PLPP3: variants seen among roughly 807,000 people sequenced by gnomAD.
PLPP3 encodes PAP2 beta.
PLPP3 carries 6 observed loss-of-function variants against 29.6 expected under a neutral mutation model. The observed-to-expected ratio is 0.20, with a 90% CI of 0.11 to 0.40. The LOEUF is 0.40. Among genes scored for constraint, PLPP3 ranks in the 10% least tolerant of loss-of-function variants. The pLI is 1.00. For missense variants in PLPP3, 308 were observed against 407.7 expected (o/e 0.76, Z 2.11); for synonymous variants, 152 against 159.7 (o/e 0.95, Z 0.36).
At chr1:56,507,518 A>G (rs1287238669) in intron 5 of PLPP3, among the ~76,000 whole-genome samples, 1 of 152,216 alleles carries the variant, frequency 6.6e-6, no homozygotes, top group Non-Finnish European at 1.5e-5. Context: ...AGAGACAGAC[A>G]TATGAGCAGG....
rs535153667 is a variant in PLPP3 at position 56,564,106 on chromosome 1, G to C, written c.139+14772C>G. Reference sequence around the variant, plus strand: ...TTGCAATCTTAATTCTTGGAGGAAAGAGCATAGGTGTTGGTTGGGTCATAG... The same window carrying C: ...TTGCAATCTTAATTCTTGGAGGAAACAGCATAGGTGTTGGTTGGGTCATAG... On this transcript the variant is annotated intron_variant, in intron 1 of 5. Coordinates refer to ENST00000371250, the MANE Select transcript of PLPP3 (RefSeq NM_003713.5). Among the ~76,000 whole-genome samples, 7 of 152,322 alleles carry C rather than the reference G, an allele frequency of 4.6e-5. No homozygotes were observed. The East Asian group carries it at 1.2e-3, about 25-fold the overall frequency.
chr1:56,550,847 G>GA (rs1334404503), intron 1 of PLPP3, among the ~76,000 whole-genome samples: 3 of 152,178 alleles, frequency 2.0e-5, no homozygotes, highest in Admixed American at 6.5e-5. Context: ...GGTTTTCATG[G>GA]AAATATCAGC....
intron 1 of PLPP3, among the ~76,000 whole-genome samples, chr1:56,559,300 A>G (rs936485391): frequency 6.6e-6 from 1 of 152,234 alleles, no homozygotes; most frequent in Non-Finnish European, 1.5e-5. Flanking sequence ...CAATGAGAAT[A>G]CCTGTGCATT....
At chr1:56,520,769 G>C (rs948830216) in intron 4 of PLPP3, among the ~76,000 whole-genome samples, 2 of 151,112 alleles carry the variant, frequency 1.3e-5, no homozygotes, top group African/African-American at 4.9e-5. Flanking sequence ...AAATTTGCTG[G>C]GTGTGGTGCC....
Position 56,530,021 on chromosome 1 carries a change from A to G in PLPP3, c.298-5467T>C, listed in dbSNP as rs186907611. ...TCCCAAAAGTCAGGGACTCAGAGTC[A>G]TGGGCCTCCTGAATGCCCAACTCTG... On this transcript the variant is annotated intron_variant, in intron 2 of 5. Coordinates refer to ENST00000371250, the MANE Select transcript of PLPP3 (RefSeq NM_003713.5). 1.9e-3 allele frequency among the ~76,000 whole-genome samples: 283 copies of G among 152,226 alleles called. 3 individuals are homozygous for G. Among genetic ancestry groups the G allele is most frequent in the Non-Finnish European group, 4.0e-4 (27 of 68,014 alleles).
At position 56,496,013 on chromosome 1, in the gene PLPP3, G is replaced by A. The variant is rs1289811280; in HGVS notation, c.*538C>T. 1 of 153,344 alleles carries A rather than the reference G, an allele frequency of 6.5e-6. No individual in the cohort carries two copies. The highest frequency in any genetic ancestry group is 1.5e-5 in the Non-Finnish European group (1 of 68,590). The allele number at this position is 153,344 out of a possible 1,614,324, so 9.5% of individuals were successfully genotyped here. The stretch of plus-strand genomic sequence containing the variant: ...CTTAGAACTGGGAATCTAGATTCGG[G>A]ATCTGATCACTTGACTGAGCAAACT... On this transcript the variant is annotated 3_prime_UTR_variant, in exon 6 of 6. Coordinates refer to ENST00000371250, the MANE Select transcript of PLPP3 (RefSeq NM_003713.5).
intron 2 of PLPP3, among the ~76,000 whole-genome samples, chr1:56,525,278 C>T (rs553011677): frequency 7.9e-5 from 12 of 152,276 alleles, no homozygotes; most frequent in African/African-American, 2.2e-4. Context: ...AATAGAATAC[C>T]AGTCTAACAA....
intron 4 of PLPP3, 121 bp downstream of exon 4, chr1:56,523,702 T>G: frequency 9.0e-7 from 1 of 1,116,824 alleles, no homozygotes; most frequent in East Asian, 2.4e-5. Flanking sequence ...CTTTTCTAGC[T>G]AACCTCTTTT....
chr1:56,568,533 A>C (rs1168141280), intron 1 of PLPP3, among the ~76,000 whole-genome samples: 1 of 152,242 alleles, frequency 6.6e-6, no homozygotes, highest in Admixed American at 6.5e-5. Flanking sequence ...TAAATCTCCT[A>C]TAAATCCTGC....
intron 1 of PLPP3, among the ~76,000 whole-genome samples, chr1:56,555,706 G>A (rs944918772): frequency 6.6e-6 from 1 of 152,114 alleles, no homozygotes; most frequent in African/African-American, 2.4e-5. Context: ...ACAAGGTCTT[G>A]CTATGTTGCC....
intron 5 of PLPP3, among the ~76,000 whole-genome samples, chr1:56,500,938 A>T (rs2100219459): frequency 7.4e-6 from 1 of 134,478 alleles, no homozygotes; most frequent in East Asian, 2.3e-4. Flanking sequence ...TGGGAGGCGG[A>T]GGTTTCAGTG....
At chr1:56,514,071 TA>T (rs1000316405) in intron 4 of PLPP3, among the ~76,000 whole-genome samples, 2 of 149,958 alleles carry the variant, frequency 1.3e-5, no homozygotes, top group South Asian at 2.1e-4. Flanking sequence ...AAATTAAATT[TA>T]AAAAAAAAGA....
intron 4 of PLPP3, among the ~76,000 whole-genome samples, chr1:56,523,169 G>A (rs951351894): frequency 3.9e-5 from 6 of 152,126 alleles, no homozygotes; most frequent in African/African-American, 7.2e-5. Context: ...GAAGTCATGC[G>A]TCCTCATGGA....
At chr1:56,557,514 T>C (rs1487033041) in intron 1 of PLPP3, among the ~76,000 whole-genome samples, 2 of 152,202 alleles carry the variant, frequency 1.3e-5, no homozygotes, top group Non-Finnish European at 2.9e-5. Context: ...TTCATAGCTA[T>C]AGCAACCTGG....
intron 1 of PLPP3, among the ~76,000 whole-genome samples, chr1:56,543,339 T>A (rs145116662): frequency 2.2e-3 from 329 of 152,344 alleles, no homozygotes; most frequent in African/African-American, 7.5e-3. Flanking sequence ...TTATAACTGG[T>A]ACAAGGTCCT....
chr1:56,519,775 T>G (rs1645806955), intron 4 of PLPP3, among the ~76,000 whole-genome samples: 1 of 151,976 alleles, frequency 6.6e-6, no homozygotes, highest in Non-Finnish European at 1.5e-5. Context: ...GAACTTGCAT[T>G]AATCTCTAAC....
chr1:56,536,936 G>A lies in PLPP3; in HGVS notation c.297+19C>T, dbSNP rs1293151637. The A allele has an allele frequency of 1.9e-6, 3 of 1,613,086 alleles. No individual in the cohort carries two copies. Among genetic ancestry groups the A allele is most frequent in the Non-Finnish European group, 2.5e-6 (3 of 1,179,350 alleles). On this transcript the variant is annotated intron_variant, in intron 2 of 5. Coordinates refer to ENST00000371250, the MANE Select transcript of PLPP3 (RefSeq NM_003713.5). ...AAGAAGTCAGACAGGATCCACCATA[G>A]CAGAGTCTGGACACTTACCGCGAGG...
chr1:56,518,089 T>C (rs1645794421), intron 4 of PLPP3, among the ~76,000 whole-genome samples: 1 of 152,098 alleles, frequency 6.6e-6, no homozygotes, highest in South Asian at 2.1e-4. Context: ...ACAGGGTCTG[T>C]CACAGAAGAG....
chr1:56,578,853 C>T, intron 1 of PLPP3, 25 bp downstream of exon 1: 1 of 1,522,806 alleles, frequency 6.6e-7, no homozygotes, highest in Non-Finnish European at 8.8e-7. Flanking sequence ...GCCGAGGGGC[C>T]GAGGGACAGC....
Sources: gnomAD v4.1 joint callset for allele counts (sites outside exome capture counted in the v4.1 genomes callset) on GRCh38, gnomAD v4.1.1 for gene constraint, MANE v1.5 for transcripts, NCBI Gene and HGNC (gene_info 2026-07-23, HGNC 2026-07-21) for gene names.